KCNH1: variants seen among roughly 807,000 people sequenced by gnomAD.
KCNH1 encodes the protein voltage-gated delayed rectifier potassium channel KCNH1.
In KCNH1, 27 loss-of-function variants were observed where a neutral mutation model predicts 69.2. The ratio of observed to expected loss-of-function variants is 0.39; its 90% confidence interval spans 0.29 to 0.54. The LOEUF is 0.54. KCNH1 is among the 20% of genes least tolerant of loss of function. The pLI, the probability that KCNH1 is intolerant of heterozygous loss-of-function variation, is 0.68. For missense variants in KCNH1, 798 were observed against 1,261.6 expected, an observed-to-expected ratio of 0.63 and a Z score of 5.57; for synonymous variants, 456 against 487.7, an observed-to-expected ratio of 0.93 and a Z score of 0.86.
intron 10 of KCNH1, among the ~76,000 whole-genome samples, chr1:210,718,512 C>A (rs1382393292): frequency 8.1e-5 from 5 of 61,876 alleles, no homozygotes; most frequent in East Asian, 3.2e-4. Context: ...AAAATATATA[C>A]ATATATGTAT....
intron 7 of KCNH1, among the ~76,000 whole-genome samples, chr1:210,895,684 A>G (rs1316217910): frequency 6.6e-6 from 1 of 152,128 alleles, no homozygotes; most frequent in Non-Finnish European, 1.5e-5. Flanking sequence ...GACATCAGGA[A>G]ACATAGGAAA....
intron 3 of KCNH1, among the ~76,000 whole-genome samples, chr1:211,092,180 T>G (rs1691064723): frequency 1.3e-5 from 2 of 152,180 alleles, no homozygotes; most frequent in Non-Finnish European, 2.9e-5. Context: ...AGCAGAAAAC[T>G]CACTGAATCT....
intron 10 of KCNH1, among the ~76,000 whole-genome samples, chr1:210,725,583 A>G (rs949185435): frequency 3.3e-5 from 5 of 152,200 alleles, no homozygotes; most frequent in Admixed American, 3.3e-4. Context: ...AGAAGCTTGA[A>G]TGGAGGAAAT....
intron 6 of KCNH1, among the ~76,000 whole-genome samples, chr1:211,015,020 A>T (rs1689467130): frequency 1.6e-5 from 2 of 125,566 alleles, no homozygotes; most frequent in Admixed American, 1.5e-4. Flanking sequence ...ACAAACATCA[A>T]CCATTCATTC....
chr1:210,708,767 T>G (rs1681977841), intron 10 of KCNH1, among the ~76,000 whole-genome samples: 1 of 152,180 alleles, frequency 6.6e-6, no homozygotes, highest in Non-Finnish European at 1.5e-5. Flanking sequence ...CGGGTCTTGT[T>G]GTAACATTCA....
intron 10 of KCNH1, among the ~76,000 whole-genome samples, chr1:210,771,350 A>G (rs1683751038): frequency 6.6e-6 from 1 of 152,170 alleles, no homozygotes; most frequent in African/African-American, 2.4e-5. Context: ...TTTCCCTCCA[A>G]GAATGGAACT....
At chr1:210,767,396 A>G (rs1303455986) in intron 10 of KCNH1, among the ~76,000 whole-genome samples, 1 of 152,182 alleles carries the variant, frequency 6.6e-6, no homozygotes, top group South Asian at 2.1e-4. Flanking sequence ...GGACCAGGTG[A>G]TAGTGATTCC....
chr1:210,868,866 T>G (rs867790941), intron 7 of KCNH1, among the ~76,000 whole-genome samples: 1 of 152,138 alleles, frequency 6.6e-6, no homozygotes, highest in Non-Finnish European at 1.5e-5. Flanking sequence ...CATTTATCCA[T>G]GTATGATGTT....
intron 10 of KCNH1, among the ~76,000 whole-genome samples, chr1:210,692,703 A>G (rs1574185233): frequency 6.6e-6 from 1 of 152,172 alleles, no homozygotes; most frequent in East Asian, 1.9e-4. Flanking sequence ...GCCATGGGGA[A>G]GACGGAGGAG....
intron 7 of KCNH1, among the ~76,000 whole-genome samples, chr1:210,846,464 A>C (rs2102460569): frequency 6.6e-6 from 1 of 152,246 alleles, no homozygotes; most frequent in East Asian, 1.9e-4. Flanking sequence ...AACCTGAGAA[A>C]AACAAGCAAT....
chr1:210,930,088 T>A (rs138363575), intron 6 of KCNH1, among the ~76,000 whole-genome samples: 7 of 152,220 alleles, frequency 4.6e-5, no homozygotes, highest in African/African-American at 1.7e-4. Flanking sequence ...ACCAATATCA[T>A]GAAAATGACC....
At chr1:211,054,601 A>G (rs1013709032) in intron 5 of KCNH1, among the ~76,000 whole-genome samples, 2 of 152,168 alleles carry the variant, frequency 1.3e-5, no homozygotes, top group Non-Finnish European at 2.9e-5. Flanking sequence ...AAAATAAGAA[A>G]AAACTAAAAT....
intron 6 of KCNH1, among the ~76,000 whole-genome samples, chr1:210,938,052 G>A (rs1249894912): frequency 6.6e-6 from 1 of 152,190 alleles, no homozygotes; most frequent in Non-Finnish European, 1.5e-5. Flanking sequence ...ATGACCCTTG[G>A]TCATGTCATT....
At chr1:211,063,240 G>A (rs1437813637) in intron 5 of KCNH1, among the ~76,000 whole-genome samples, 2 of 152,010 alleles carry the variant, frequency 1.3e-5, no homozygotes, top group Non-Finnish European at 2.9e-5. Flanking sequence ...ATCATGTGGG[G>A]GCCCAAAAAA....
intron 10 of KCNH1, among the ~76,000 whole-genome samples, chr1:210,712,175 A>G (rs539029328): frequency 1.3e-5 from 2 of 152,354 alleles, no homozygotes; most frequent in South Asian, 4.1e-4. Context: ...GTAATCGTAC[A>G]TCTCCAGAAT....
rs373015914 is a variant in KCNH1 at position 210,709,004 on chromosome 1, A to C, written c.2113-24866T>G. ...GCTGGGTGTGGTGGCTCATCCCAGC[A>C]CTCTGGGAGGCTGAGGTGGGTGGAT... is the stretch of plus-strand genomic sequence containing the variant. On this transcript the variant is annotated intron_variant, in intron 10 of 10. Coordinates refer to ENST00000271751, the MANE Select transcript of KCNH1 (RefSeq NM_172362.3). 7.9e-5 allele frequency among the ~76,000 whole-genome samples: 12 copies of C among 152,182 alleles called. No homozygotes were observed. In the East Asian group the frequency reaches 1.9e-3, roughly 25 times the overall value.
intron 6 of KCNH1, among the ~76,000 whole-genome samples, chr1:210,985,688 G>C (rs192371945): frequency 1.3e-5 from 2 of 152,280 alleles, no homozygotes; most frequent in East Asian, 3.9e-4. Context: ...TTGCTGAGGA[G>C]TGCTTTACTT....
At chr1:210,992,399 G>A (rs530777440) in intron 6 of KCNH1, among the ~76,000 whole-genome samples, 2 of 152,274 alleles carry the variant, frequency 1.3e-5, no homozygotes, top group Admixed American at 1.3e-4. Flanking sequence ...TCAACCTGAA[G>A]AAATTATATT....
At chr1:210,815,785 C>G (rs747219807) in intron 7 of KCNH1, among the ~76,000 whole-genome samples, 15 of 152,136 alleles carry the variant, frequency 9.9e-5, no homozygotes, top group Non-Finnish European at 2.2e-4. Context: ...AAACTCCATC[C>G]CACCTGGGGC....
Sources: allele counts gnomAD v4.1 joint callset (sites outside exome capture counted in the v4.1 genomes callset), GRCh38; gene constraint gnomAD v4.1.1; transcripts MANE v1.5; gene names NCBI Gene and HGNC (gene_info 2026-07-23, HGNC 2026-07-21).